The following SRPK2 variants were observed in gnomAD, a reference collection of about 807,000 sequenced individuals.
SRPK2 encodes SRSF protein kinase 2, also known as SFRS protein kinase 2.
SRPK2 carries 21 observed loss-of-function variants against 90.8 expected under a neutral mutation model. That is an observed-to-expected ratio of 0.23 (90% CI 0.16 to 0.33). The LOEUF (loss-of-function observed/expected upper bound fraction) is 0.33, where lower values mean the gene tolerates loss of function less well. Among genes scored for constraint, SRPK2 ranks in the 10% least tolerant of loss-of-function variants. SRPK2 has a pLI of 1.00. For missense variants in SRPK2, 620 were observed against 869.0 expected (o/e 0.71, Z 3.60); for synonymous variants, 288 against 311.1 (o/e 0.93, Z 0.78).
intron 7 of SRPK2, among the ~76,000 whole-genome samples, chr7:105,152,505 G>A (rs1330761352): frequency 6.6e-6 from 1 of 152,034 alleles, no homozygotes; most frequent in African/African-American, 2.4e-5. Context: ...TCTTTCCAGT[G>A]AAGTTTTAAG....
Position 105,137,862 on chromosome 7 carries a change from C to T in SRPK2, c.1543+4146G>A, listed in dbSNP as rs1364183128. On this transcript the variant is annotated intron_variant, in intron 11 of 15. Coordinates refer to ENST00000393651, the MANE Select transcript of SRPK2 (RefSeq NM_182692.3). ...CATTGTTTCTCTTGCCTCAAATTCA[C>T]GAAGTACCGTGTGGTCAAGTGCAAG... 3.9e-5 allele frequency among the ~76,000 whole-genome samples: 6 copies of T among 152,164 alleles called. No individual in the cohort carries two copies. The East Asian group carries it at 7.7e-4, about 20-fold the overall frequency.
Position 105,210,413 on chromosome 7 carries a change from T to C in SRPK2, c.72-6628A>G, listed in dbSNP as rs75301811. 3.1e-3 allele frequency among the ~76,000 whole-genome samples: 478 copies of C among 152,290 alleles called. 14 individuals are homozygous for C. The East Asian group carries it at 0.063, about 20-fold the overall frequency. ...TCCTTCTTCCTCTCTTGGTAATTAC[T>C]GTCAGCTTGAGAAATACCCAATTTC... On this transcript the variant is annotated intron_variant, in intron 2 of 15. Coordinates refer to ENST00000393651, the MANE Select transcript of SRPK2 (RefSeq NM_182692.3).
chr7:105,206,022 C>T (rs778692225), intron 2 of SRPK2: 40 of 518,690 alleles, frequency 7.7e-5, no homozygotes, highest in Non-Finnish European at 1.3e-4. Flanking sequence ...CACGGCACTA[C>T]TGTACTTAGC....
chr7:105,386,130 C>T (rs1331955653), intron 2 of SRPK2, among the ~76,000 whole-genome samples: 1 of 151,832 alleles, frequency 6.6e-6, no homozygotes, highest in Non-Finnish European at 1.5e-5. Context: ...CTGGCTAACA[C>T]GGTGAAACCC....
chr7:105,162,588 A>G (rs1220644417), intron 6 of SRPK2, among the ~76,000 whole-genome samples: 2 of 152,224 alleles, frequency 1.3e-5, no homozygotes, highest in Admixed American at 1.3e-4. Context: ...TTTAGTGAAA[A>G]AAAGAAAAAT....
intron 2 of SRPK2, among the ~76,000 whole-genome samples, chr7:105,334,595 T>C (rs1233226336): frequency 1.2e-4 from 18 of 151,914 alleles, no homozygotes; most frequent in Non-Finnish European, 2.6e-4. Flanking sequence ...CCCAGTACTT[T>C]GGGAAGCTGA....
chr7:105,317,931 A>G (rs926679079), intron 2 of SRPK2, among the ~76,000 whole-genome samples: 3 of 151,734 alleles, frequency 2.0e-5, no homozygotes, highest in Admixed American at 2.0e-4. Context: ...GTATTTTTTT[A>G]GTAGAGATGG....
At chr7:105,173,922 GTTT>G (rs67739776) in intron 3 of SRPK2, among the ~76,000 whole-genome samples, 18 of 122,818 alleles carry the variant, frequency 1.5e-4, no homozygotes, top group South Asian at 2.7e-4. Context: ...GTGTGTTGGT[GTTT>G]TTTTTTTTTT....
At chr7:105,254,154 G>A (rs946794292) in intron 2 of SRPK2, among the ~76,000 whole-genome samples, 1 of 152,156 alleles carries the variant, frequency 6.6e-6, no homozygotes, top group Non-Finnish European at 1.5e-5. Flanking sequence ...CGTTACAGCT[G>A]ATTGTACTGA....
At chr7:105,330,986 ACT>A (rs2131687670) in intron 2 of SRPK2, among the ~76,000 whole-genome samples, 1 of 151,616 alleles carries the variant, frequency 6.6e-6, no homozygotes, top group East Asian at 1.9e-4. Context: ...AAAAGGCGAG[ACT>A]CTGTGTCTTA....
chr7:105,357,541 C>G (rs1650900712), intron 2 of SRPK2, among the ~76,000 whole-genome samples: 1 of 151,972 alleles, frequency 6.6e-6, no homozygotes, highest in African/African-American at 2.4e-5. Context: ...GTCAGGAGTT[C>G]AGGACCAGCC....
chr7:105,380,615 C>T (rs1434476806), intron 2 of SRPK2, among the ~76,000 whole-genome samples: 1 of 151,210 alleles, frequency 6.6e-6, no homozygotes, highest in Non-Finnish European at 1.5e-5. Context: ...GCTCTGCCTC[C>T]CGGGTTCAAG....
chr7:105,257,600 C>A (rs1803510242), intron 2 of SRPK2, among the ~76,000 whole-genome samples: 1 of 152,096 alleles, frequency 6.6e-6, no homozygotes, highest in Non-Finnish European at 1.5e-5. Context: ...ATGACACCTG[C>A]AAATTTAACT....
chr7:105,309,293 A>G (rs567474911), intron 2 of SRPK2, among the ~76,000 whole-genome samples: 114 of 152,258 alleles, frequency 7.5e-4, no homozygotes, highest in Admixed American at 1.3e-3. Context: ...AGTACAGACA[A>G]TATGTCCATT....
intron 13 of SRPK2, among the ~76,000 whole-genome samples, chr7:105,132,114 TAGA>T (rs891040574): frequency 1.3e-5 from 2 of 152,174 alleles, no homozygotes; most frequent in Admixed American, 6.5e-5. Flanking sequence ...GCCTGACAGA[TAGA>T]AGAAGAGGCT....
In SRPK2 at chr7:105,193,765, G is replaced by C. The variant is rs61262987; in HGVS notation, c.229+9863C>G. ...TACAAAGAAATATATGCTCAATGCA[G>C]AAAACAAAGAAAACCAATACAAAGA... On this transcript the variant is annotated intron_variant, in intron 3 of 15. Coordinates refer to ENST00000393651, the MANE Select transcript of SRPK2 (RefSeq NM_182692.3). Among the ~76,000 whole-genome samples, 471 of 152,144 alleles carry C rather than the reference G, an allele frequency of 3.1e-3. 14 individuals are homozygous for C. The East Asian group carries it at 0.063, about 20-fold the overall frequency.
At chr7:105,206,204 T>C (rs1299725509) in intron 2 of SRPK2, among the ~76,000 whole-genome samples, 1 of 149,656 alleles carries the variant, frequency 6.7e-6, no homozygotes, top group Non-Finnish European at 1.5e-5. Context: ...CACTGACAAA[T>C]GTGTGTGTGC....
intron 4 of SRPK2, among the ~76,000 whole-genome samples, chr7:105,168,719 T>C (rs1790400574): frequency 8.3e-6 from 1 of 120,306 alleles, no homozygotes; most frequent in African/African-American, 2.9e-5. Context: ...TTTGTTTCAG[T>C]ACACACACAC....
intron 2 of SRPK2, among the ~76,000 whole-genome samples, chr7:105,323,965 CTTTG>C (rs1418374817): frequency 1.4e-3 from 156 of 110,470 alleles, no homozygotes; most frequent in African/African-American, 5.5e-3. Flanking sequence ...TCAGACTATT[CTTTG>C]TGTGTGTGTG....
Sources: allele counts gnomAD v4.1 joint callset (sites outside exome capture counted in the v4.1 genomes callset), GRCh38; gene constraint gnomAD v4.1.1; transcripts MANE v1.5; gene names NCBI Gene and HGNC (gene_info 2026-07-23, HGNC 2026-07-21).